Variants in LEF1 observed in about 807,000 individuals in gnomAD.
LEF1 encodes lymphoid enhancer binding factor 1.
A neutral mutation model predicts 51.2 loss-of-function variants in LEF1; 14 were observed. The observed-to-expected ratio is 0.27, with a 90% confidence interval of 0.18 to 0.43. The LOEUF (loss-of-function observed/expected upper bound fraction) is 0.43. Among genes scored for constraint, LEF1 ranks in the 20% least tolerant of loss-of-function variants. LEF1 has a pLI of 1.00. For missense variants in LEF1, 386 were observed against 512.0 expected (o/e 0.75, Z 2.37); for synonymous variants, 185 against 183.2 (o/e 1.01, Z -0.08).
At chr4:108,161,820 T>C (rs1204167128) in intron 3 of LEF1, among the ~76,000 whole-genome samples, 1 of 152,192 alleles carries the variant, frequency 6.6e-6, no homozygotes, top group African/African-American at 2.4e-5. Context: ...GGCTGTTTTG[T>C]GGCTATTTTC....
intron 3 of LEF1, among the ~76,000 whole-genome samples, chr4:108,139,564 C>T (rs951601350): frequency 6.6e-6 from 1 of 152,158 alleles, no homozygotes; most frequent in Non-Finnish European, 1.5e-5. Flanking sequence ...CCTGGACCTC[C>T]ACCCTGGCCC....
intron 11 of LEF1, among the ~76,000 whole-genome samples, chr4:108,057,469 T>G (rs771111287): frequency 3.9e-5 from 6 of 152,126 alleles, no homozygotes; most frequent in South Asian, 4.1e-4. Flanking sequence ...ATAAATATTT[T>G]TCTCATTGAG....
chr4:108,132,549 T>G (rs923069001), intron 3 of LEF1, among the ~76,000 whole-genome samples: 1 of 151,976 alleles, frequency 6.6e-6, no homozygotes, highest in Non-Finnish European at 1.5e-5. Context: ...TATTGTTTAC[T>G]GAACTAGCCT....
intron 3 of LEF1, among the ~76,000 whole-genome samples, chr4:108,116,461 G>A (rs755193755): frequency 6.6e-6 from 1 of 152,208 alleles, no homozygotes; most frequent in Non-Finnish European, 1.5e-5. Flanking sequence ...GGTAGAGGCT[G>A]CAGCAAGCTG....
chr4:108,163,837 G>A, intron 2 of LEF1, 136 bp from the exon 3 acceptor site: 2 of 846,536 alleles, frequency 2.4e-6, no homozygotes, highest in Non-Finnish European at 3.5e-6. Flanking sequence ...ACTGTAACTG[G>A]ATTATTATGC....
intron 3 of LEF1, among the ~76,000 whole-genome samples, chr4:108,147,728 C>T (rs933142664): frequency 6.6e-6 from 1 of 152,188 alleles, no homozygotes; most frequent in Admixed American, 6.5e-5. Context: ...TATGTGGTAA[C>T]TAAATAATAT....
intron 3 of LEF1, among the ~76,000 whole-genome samples, chr4:108,116,042 C>G (rs949061207): frequency 3.3e-5 from 5 of 152,118 alleles, no homozygotes; most frequent in African/African-American, 1.2e-4. Context: ...GGTTTCAATT[C>G]CAAGTTAAGC....
At position 108,167,662 on chromosome 4, in the gene LEF1, T is replaced by C; in HGVS notation, c.106A>G (p.Lys36Glu). 2 of 1,614,222 alleles carry C rather than the reference T, an allele frequency of 1.2e-6. No homozygotes were observed. Among genetic ancestry groups the C allele is most frequent in the Non-Finnish European group, 1.7e-6 (2 of 1,180,038 alleles). ...GGATGACTGATCTCGGCGAAGATCT[T>C]TTCCTTCTGAGGATCGCCCTCGTCC... is the stretch of plus-strand genomic sequence containing the variant. Reference protein sequence around the residue: ...FKDEGDPQKEKIFAEISHPEE... With the variant: ...FKDEGDPQKEEIFAEISHPEE... Residue 36 changes from lysine (K) to glutamate (E), a missense_variant, in exon 1 of 12, where the codon AAG (lysine) becomes GAG (glutamate). Coordinates refer to ENST00000265165, the MANE Select transcript of LEF1 (RefSeq NM_016269.5). The surrounding 1 kb of genome is among the most constrained non-coding windows in gnomAD (Gnocchi z 5.7).
chr4:108,051,704 G>A (rs891488169), intron 11 of LEF1, among the ~76,000 whole-genome samples: 3 of 152,154 alleles, frequency 2.0e-5, no homozygotes, highest in Non-Finnish European at 4.4e-5. Flanking sequence ...GGGATGCAAA[G>A]GCGGCACAAG....
At chr4:108,120,355 CT>C (rs1742098322) in intron 3 of LEF1, among the ~76,000 whole-genome samples, 2 of 152,132 alleles carry the variant, frequency 1.3e-5, no homozygotes, top group Admixed American at 1.3e-4. Context: ...TTGAAAACCT[CT>C]TTAACATCTG....
chr4:108,064,544 G>A (rs1578295988), intron 9 of LEF1, among the ~76,000 whole-genome samples, 160 bp from the exon 10 acceptor site: 2 of 152,084 alleles, frequency 1.3e-5, no homozygotes, highest in South Asian at 4.1e-4. Flanking sequence ...CAGAAAGCAA[G>A]AGAACGGGAG....
intron 3 of LEF1, among the ~76,000 whole-genome samples, chr4:108,109,852 G>T (rs1472511317): frequency 6.6e-6 from 1 of 152,120 alleles, no homozygotes; most frequent in Non-Finnish European, 1.5e-5. Context: ...GGAGGCTCTT[G>T]GGGAAGGGGG....
In LEF1 at chr4:108,057,116, C is replaced by T. The variant is rs142879400; in HGVS notation, c.*6+6507G>A. The stretch of plus-strand genomic sequence containing the variant: ...CTTCCTTCCCAAGAGTTCTGAACCC[C>T]CAGGGGTCTTTTGCTTGTTTGGTAA... On this transcript the variant is annotated intron_variant, in intron 11 of 11. Coordinates refer to ENST00000265165, the MANE Select transcript of LEF1 (RefSeq NM_016269.5). Among the ~76,000 whole-genome samples, 215 of 152,084 alleles carry T rather than the reference C, an allele frequency of 1.4e-3. 1 individual carries two copies. The highest frequency in any genetic ancestry group is 4.7e-3 in the African/African-American group (197 of 41,502).
At chr4:108,092,939 A>AAT (rs1553952203) in intron 3 of LEF1, among the ~76,000 whole-genome samples, 2 of 90,708 alleles carry the variant, frequency 2.2e-5, no homozygotes, top group Non-Finnish European at 4.4e-5. Flanking sequence ...AAAAAAAAAA[A>AAT]AAAAAAAAAA....
intron 11 of LEF1, among the ~76,000 whole-genome samples, chr4:108,052,390 C>T (rs771479333): frequency 2.6e-5 from 4 of 152,176 alleles, no homozygotes; most frequent in Non-Finnish European, 5.9e-5. Flanking sequence ...GAGCCTTAAA[C>T]GATGTGCAAT....
At chr4:108,065,523 T>C (rs1490277041) in intron 9 of LEF1, among the ~76,000 whole-genome samples, 1 of 152,134 alleles carries the variant, frequency 6.6e-6, no homozygotes, top group Non-Finnish European at 1.5e-5. Context: ...GAAGACTCCA[T>C]TATTTTTGAT....
chr4:108,081,503 C>A lies in LEF1; in HGVS notation c.722+83G>T, dbSNP rs149645743. The A allele has an allele frequency of 8.6e-4, 985 of 1,147,008 alleles. 7 individuals are homozygous for A. The African/African-American group carries it at 0.013, about 15-fold the overall frequency. 71.1% of individuals were successfully genotyped at this position (1,147,008 alleles called of 1,614,324 possible). On this transcript the variant is annotated intron_variant, in intron 6 of 11. Transcript: ENST00000265165. ...TGAGGTATGCACCCTCCTAGCCAAC[C>A]AAAAGGCAAGCAGAGGCGCACAGGA...
chr4:108,165,330 T>G, intron 1 of LEF1, 167 bp from the exon 2 acceptor site: 2 of 550,690 alleles, frequency 3.6e-6, no homozygotes, highest in South Asian at 6.1e-5. Context: ...CATAATCCTT[T>G]TCTTGTCAAC....
intron 3 of LEF1, among the ~76,000 whole-genome samples, chr4:108,140,210 G>T (rs1037789038): frequency 8.5e-5 from 13 of 152,092 alleles, no homozygotes; most frequent in Admixed American, 3.9e-4. Context: ...TTAGAGGGAG[G>T]GGGGAAAAGC....
Sources: gnomAD v4.1 joint callset for allele counts (sites outside exome capture counted in the v4.1 genomes callset) on GRCh38, gnomAD v4.1.1 for gene constraint, Gnocchi (gnomAD v3.1) non-coding constraint, MANE v1.5 for transcripts, NCBI Gene and HGNC (gene_info 2026-07-23, HGNC 2026-07-21) for gene names.